Variants in FBXO10 observed in about 807,000 individuals in gnomAD.
The protein encoded by FBXO10 is F-box only protein 10.
A neutral mutation model predicts 80.7 loss-of-function variants in FBXO10; 39 were observed. That is an observed-to-expected ratio of 0.48 (90% confidence interval 0.37 to 0.63). The LOEUF is 0.63. FBXO10 is among the 30% of genes least tolerant of loss of function. The pLI, the probability that FBXO10 is intolerant of heterozygous loss-of-function variation, is 0.00. For synonymous variants in FBXO10, 449 were observed against 489.6 expected, an observed-to-expected ratio of 0.92 and a Z score of 1.09; for missense variants, 1,025 against 1,269.0, an observed-to-expected ratio of 0.81 and a Z score of 2.92.
In FBXO10 at chr9:37,550,169, G is replaced by GTTTTTTTTTTTTTTTTTTTT. The variant is rs74171511; in HGVS notation, c.-6-8415_-6-8396dup. ...CAGTTTTCTTTTTTTGTCGTCTCAG[G>GTTTTTTTTTTTTTTTTTTTT]TTTTTTTTTTTTTTTTTTTTTTTTT... On this transcript the variant is annotated intron_variant, in intron 1 of 10. Coordinates refer to ENST00000432825, the MANE Select transcript of FBXO10 (RefSeq NM_012166.3). 7.4e-5 allele frequency among the ~76,000 whole-genome samples: 5 copies of GTTTTTTTTTTTTTTTTTTTT among 68,008 alleles called. 1 individual carries two copies. The highest frequency in any genetic ancestry group is 1.1e-4 in the Non-Finnish European group (4 of 34,956). The allele number at this position is 68,008 out of a possible 152,430, so 44.6% of individuals were successfully genotyped here.
Position 37,562,215 on chromosome 9 carries a change from A to G in FBXO10, c.-7+13996T>C, listed in dbSNP as rs981700344. Among the ~76,000 whole-genome samples the G allele has an allele frequency of 2.6e-5, 4 of 152,322 alleles. No homozygotes were observed. The East Asian group carries it at 5.8e-4, about 22-fold the overall frequency. On this transcript the variant is annotated intron_variant, in intron 1 of 10. Transcript: ENST00000432825. The stretch of plus-strand genomic sequence containing the variant: ...GGGGTCAGGAATAAAAACATCCCTC[A>G]GGGATCTGCACTTGGGAGCTGTGTG...
At chr9:37,517,992 T>A in intron 9 of FBXO10, 133 bp downstream of exon 9, 1 of 957,272 alleles carries the variant, frequency 1.0e-6, no homozygotes, top group South Asian at 1.7e-5. Context: ...CCAGGCTGAG[T>A]CCTGGCAGGA....
chr9:37,521,718 T>A lies in FBXO10; in HGVS notation c.2051A>T (p.Glu684Val). 1 of 1,613,992 alleles carries A rather than the reference T, an allele frequency of 6.2e-7. No individual in the cohort carries two copies. Among genetic ancestry groups the A allele is most frequent in the Non-Finnish European group, 8.5e-7 (1 of 1,179,894 alleles). ...AVFSQKDGSS[E>V]LPRGHRAQEN... ...TTGAGCCCTGTGGCCTCGAGGTAACTCGCTGGAGCCATCCTTCTGGCTAAA... is the reference window on the plus strand; with the variant it reads ...TTGAGCCCTGTGGCCTCGAGGTAACACGCTGGAGCCATCCTTCTGGCTAAA... Residue 684 changes from glutamate to valine, a missense_variant, in exon 8 of 11, where the codon GAG becomes GTG. By Grantham distance (121) the Glu-to-Val change is moderately radical. Coordinates refer to ENST00000432825, the MANE Select transcript of FBXO10 (RefSeq NM_012166.3).
At position 37,529,836 on chromosome 9, in the gene FBXO10, T is replaced by G. The variant is rs927858565; in HGVS notation, c.1570-576A>C. Among the ~76,000 whole-genome samples, 29 of 134,536 alleles carry G rather than the reference T, an allele frequency of 2.2e-4. 1 individual carries two copies. The highest frequency in any genetic ancestry group is 2.0e-3 in the Admixed American group (28 of 13,876). 88.3% of individuals were successfully genotyped at this position (134,536 alleles called of 152,430 possible). On this transcript the variant is annotated intron_variant, in intron 4 of 10. Transcript: ENST00000432825. Reference sequence around the variant, plus strand: ...ATGAGCTACAGAATGCCAAGAGATATCTTTTTTTTTTTTTTTTGGTAGAGA... The same window carrying G: ...ATGAGCTACAGAATGCCAAGAGATAGCTTTTTTTTTTTTTTTTGGTAGAGA...
chr9:37,520,520 T>G (rs1821311376), intron 8 of FBXO10, among the ~76,000 whole-genome samples: 1 of 109,210 alleles, frequency 9.2e-6, no homozygotes, highest in African/African-American at 3.2e-5. Flanking sequence ...CTCCTTCTTC[T>G]TCTTTTTTTT....
rs1049570683 is a variant in FBXO10, at chr9:37,511,714, G to C, written c.*833C>G. The stretch of plus-strand genomic sequence containing the variant: ...GGGGAGGCTTGGGAGGGTCAGTAAA[G>C]ACCAGCGCTCATCCATGAGAACACA... On this transcript the variant is annotated 3_prime_UTR_variant, in exon 11 of 11. Coordinates refer to ENST00000432825, the MANE Select transcript of FBXO10 (RefSeq NM_012166.3). 1.3e-5 allele frequency: 2 copies of C among 152,810 alleles called. No homozygotes were observed. Among genetic ancestry groups the C allele is most frequent in the African/African-American group, 4.8e-5 (2 of 41,434 alleles). 9.5% of individuals were successfully genotyped at this position (152,810 alleles called of 1,614,324 possible).
At chr9:37,548,479 A>G (rs1822113171) in intron 1 of FBXO10, among the ~76,000 whole-genome samples, 1 of 152,196 alleles carries the variant, frequency 6.6e-6, no homozygotes, top group Non-Finnish European at 1.5e-5. Context: ...CATTTTTAAA[A>G]TAGTATTTAT....
rs532524155 is a variant in FBXO10, at chr9:37,548,144, G to A, written c.-6-6370C>T. On this transcript the variant is annotated intron_variant, in intron 1 of 10. Transcript: ENST00000432825. ...TTATGCCTGTAATCCCAGTGCTTTG[G>A]GAGGCCAGGGCGGGTGGATCACCTG... 3.4e-4 allele frequency among the ~76,000 whole-genome samples: 52 copies of A among 152,324 alleles called. 2 individuals are homozygous for A. Among genetic ancestry groups the A allele is most frequent in the Admixed American group, 3.1e-3 (47 of 15,296 alleles).
chr9:37,564,985 C>T (rs141541596), intron 1 of FBXO10, among the ~76,000 whole-genome samples: 63 of 152,320 alleles, frequency 4.1e-4, no homozygotes, highest in Non-Finnish European at 7.4e-5. Flanking sequence ...AAAATATCAT[C>T]TTGAATTATA....
At chr9:37,540,046 T>C (rs1564343695) in intron 2 of FBXO10, among the ~76,000 whole-genome samples, 2 of 152,258 alleles carry the variant, frequency 1.3e-5, no homozygotes, top group Non-Finnish European at 2.9e-5. Flanking sequence ...CAGAGGCATG[T>C]GGAGAGGAAC....
rs760851688 is a variant in FBXO10 at position 37,512,573 on chromosome 9, G to A, written c.2845C>T (p.Arg949Cys). The A allele has an allele frequency of 6.8e-6, 11 of 1,613,900 alleles. No homozygotes were observed. The highest frequency in any genetic ancestry group is 1.1e-5 in the South Asian group (1 of 91,070). The change falls in exon 11 of 11, where the codon CGC becomes TGC. Residue 949 changes from arginine (R) to cysteine (C), a missense_variant. By Grantham distance (180) the Arg-to-Cys change is radical. Coordinates refer to ENST00000432825, the MANE Select transcript of FBXO10 (RefSeq NM_012166.3). ...CACAGGATGGTGCAGAAGACACTGC[G>A]GTTGCTGTGGTAACCACCTTCCACC... ...ARVEGGYHSN[R>C]SVFCTIL
At chr9:37,538,457 C>T (rs1265885862) in intron 2 of FBXO10, among the ~76,000 whole-genome samples, 1 of 151,970 alleles carries the variant, frequency 6.6e-6, no homozygotes, top group African/African-American at 2.4e-5. Context: ...CCCGTAGTTC[C>T]AGCACGTTGG....
At chr9:37,531,833 A>C in intron 4 of FBXO10, 76 bp downstream of exon 4, 1 of 1,534,690 alleles carries the variant, frequency 6.5e-7, no homozygotes, top group Non-Finnish European at 9.0e-7. Context: ...CAAGAGGGCA[A>C]CGTGTATTTA....
At chr9:37,529,020 C>T (rs538446425) in intron 5 of FBXO10, 104 bp downstream of exon 5, 7 of 1,460,352 alleles carry the variant, frequency 4.8e-6, no homozygotes, top group Middle Eastern at 1.8e-4. Flanking sequence ...GAAGTCTCTT[C>T]TCTGCTTGCA....
chr9:37,553,012 T>TTGTG (rs74171513), intron 1 of FBXO10, among the ~76,000 whole-genome samples: 7,146 of 144,404 alleles, frequency 0.049, 194 homozygotes, highest in African/African-American at 0.061. Flanking sequence ...CCAATTCAGG[T>TTGTG]TGTGTGTGTG....
chr9:37,532,095 A>G (rs909354123), intron 3 of FBXO10, 37 bp from the exon 4 acceptor site: 2 of 1,590,178 alleles, frequency 1.3e-6, no homozygotes, highest in East Asian at 2.3e-5. Context: ...TTTTCCTGTT[A>G]CAAATATTTT....
intron 9 of FBXO10, 104 bp from the exon 10 acceptor site, chr9:37,516,189 G>T: frequency 3.1e-6 from 4 of 1,298,622 alleles, no homozygotes; most frequent in East Asian, 2.5e-5. Flanking sequence ...GCAGGAACAT[G>T]CCAGGCAGGT....
In FBXO10 at chr9:37,537,218, G is replaced by C; in HGVS notation, c.1311C>G (p.Phe437Leu). The change falls in exon 3 of 11, where the codon TTC becomes TTG. Residue 437 changes from phenylalanine to leucine, a missense_variant. This residue lies in a region of FBXO10 where 478 missense variants were observed against 667.8 expected (regional missense o/e 0.72). Transcript: ENST00000432825. ...CGAAGACGCCTCCCTTCCCGTCCCG[G>C]AAGAGGCACTTGCGGATGAGGCAGC... The part of the protein sequence containing the change: ...VQGCLIRKCL[F>L]RDGKGGVFVC... 6.2e-7 allele frequency: 1 copy of C among 1,613,962 alleles called. No homozygotes were observed. The highest frequency in any genetic ancestry group is 1.6e-4 in the Middle Eastern group (1 of 6,062).
At chr9:37,557,316 C>T (rs1406029222) in intron 1 of FBXO10, among the ~76,000 whole-genome samples, 1 of 152,242 alleles carries the variant, frequency 6.6e-6, no homozygotes, top group Non-Finnish European at 1.5e-5. Context: ...TCCTTGCACT[C>T]TACATCCCTT....
Sources: allele counts gnomAD v4.1 joint callset (sites outside exome capture counted in the v4.1 genomes callset), GRCh38; gene constraint gnomAD v4.1.1; regional missense constraint gnomAD v4.1.1; transcripts MANE v1.5; gene names NCBI Gene and HGNC (gene_info 2026-07-23, HGNC 2026-07-21).